BTBD10: variants seen among roughly 807,000 people sequenced by gnomAD.
BTBD10 encodes BTB domain containing 10, also known as BTB/POZ domain-containing protein 10.
Under a neutral mutation model 53.2 loss-of-function variants are expected in BTBD10, and 21 were observed. That is an observed-to-expected ratio of 0.39 (90% CI 0.28 to 0.57). The LOEUF is 0.57. Ranked by LOEUF, BTBD10 falls within the 20% of genes least tolerant of loss-of-function variation. BTBD10 has a pLI of 0.53. For missense variants in BTBD10, 360 were observed against 594.7 expected (o/e 0.61, Z 4.10); for synonymous variants, 149 against 192.7 (o/e 0.77, Z 1.88).
chr11:13,444,336 T>C (rs572019208), intron 2 of BTBD10, among the ~76,000 whole-genome samples: 97 of 152,276 alleles, frequency 6.4e-4, no homozygotes, highest in African/African-American at 2.1e-3. Context: ...ATAGAAGATA[T>C]TGCTTTATGA....
intron 8 of BTBD10, among the ~76,000 whole-genome samples, chr11:13,393,900 A>G (rs1193884980): frequency 6.6e-6 from 1 of 152,218 alleles, no homozygotes; most frequent in Non-Finnish European, 1.5e-5. Context: ...TTAACCTTTT[A>G]AGCTTTAGCT....
Position 13,446,418 on chromosome 11 carries a change from T to A in BTBD10, c.-57-1237A>T, listed in dbSNP as rs549384142. The stretch of plus-strand genomic sequence containing the variant: ...TATCAAAAATCAGTAGAAAATACAT[T>A]TTCATTTTAGAGAAACAATTTTACT... On this transcript the variant is annotated intron_variant, in intron 1 of 8. Transcript: ENST00000278174. Among the ~76,000 whole-genome samples, 6 of 152,290 alleles carry A rather than the reference T, an allele frequency of 3.9e-5. No homozygotes were observed. The East Asian group carries it at 1.2e-3, about 29-fold the overall frequency.
intron 2 of BTBD10, among the ~76,000 whole-genome samples, chr11:13,440,680 C>T (rs926213660): frequency 1.4e-4 from 22 of 152,096 alleles, no homozygotes; most frequent in African/African-American, 4.3e-4. Context: ...TCAGGAGAAA[C>T]GAGCATGCGT....
At chr11:13,431,899 T>G (rs1203951821) in intron 2 of BTBD10, among the ~76,000 whole-genome samples, 2 of 152,108 alleles carry the variant, frequency 1.3e-5, no homozygotes, top group Admixed American at 1.3e-4. Context: ...GGGAAAAAGT[T>G]TATAATACTA....
At chr11:13,389,719 G>A (rs1488655715) in intron 8 of BTBD10, among the ~76,000 whole-genome samples, 4 of 152,278 alleles carry the variant, frequency 2.6e-5, no homozygotes, top group South Asian at 4.1e-4. Context: ...CCACCATGCC[G>A]GCCTCTAGCT....
chr11:13,443,754 T>C (rs1950705658), intron 2 of BTBD10, among the ~76,000 whole-genome samples: 2 of 152,100 alleles, frequency 1.3e-5, no homozygotes, highest in African/African-American at 4.8e-5. Context: ...CGGCTAATTT[T>C]TGTATTTTTA....
At chr11:13,442,465 G>A (rs771304437) in intron 2 of BTBD10, among the ~76,000 whole-genome samples, 1 of 151,770 alleles carries the variant, frequency 6.6e-6, no homozygotes, top group Non-Finnish European at 1.5e-5. Flanking sequence ...TACTCATTTC[G>A]TTTTTTTTCA....
At chr11:13,409,064 C>A (rs1165670697) in intron 6 of BTBD10, among the ~76,000 whole-genome samples, 1 of 152,074 alleles carries the variant, frequency 6.6e-6, no homozygotes, top group Non-Finnish European at 1.5e-5. Flanking sequence ...AGAGTAAAAG[C>A]CAAAACATAA....
intron 8 of BTBD10, among the ~76,000 whole-genome samples, chr11:13,391,396 C>T (rs72870919): frequency 0.15 from 22,967 of 152,228 alleles, 1,996 homozygotes; most frequent in Admixed American, 0.24. Context: ...ACTTCTTATG[C>T]TCCATAGCAC....
rs1003681695 is a variant in BTBD10 at position 13,388,115 on chromosome 11, C to CTT, written c.*714_*715dup. ...CACTTCATTTTCCTATCCCATAACTCTTAAGAAAAAAAAAGCATTAGTAAA... is the reference window on the plus strand; with the variant it reads ...CACTTCATTTTCCTATCCCATAACTCTTTTAAGAAAAAAAAAGCATTAGTAAA... On this transcript the variant is annotated 3_prime_UTR_variant, in exon 9 of 9. Coordinates refer to ENST00000278174, the MANE Select transcript of BTBD10 (RefSeq NM_032320.7). The CTT allele has an allele frequency of 4.6e-5, 7 of 152,304 alleles. No individual in the cohort carries two copies. Among genetic ancestry groups the CTT allele is most frequent in the African/African-American group, 1.7e-4 (7 of 41,318 alleles). The allele number at this position is 152,304 out of a possible 1,614,324, so 9.4% of individuals were successfully genotyped here.
intron 8 of BTBD10, among the ~76,000 whole-genome samples, chr11:13,398,859 T>C (rs1405940427): frequency 6.6e-6 from 1 of 152,214 alleles, no homozygotes; most frequent in Non-Finnish European, 1.5e-5. Context: ...TTAAGAATGT[T>C]GAATATTGGC....
chr11:13,422,979 T>C (rs1325972330), intron 2 of BTBD10, among the ~76,000 whole-genome samples: 1 of 152,076 alleles, frequency 6.6e-6, no homozygotes, highest in Non-Finnish European at 1.5e-5. Flanking sequence ...CTTCCAAATA[T>C]AAAACTACTA....
At chr11:13,449,885 G>A (rs1591170239) in intron 1 of BTBD10, among the ~76,000 whole-genome samples, 1 of 152,180 alleles carries the variant, frequency 6.6e-6, no homozygotes, top group East Asian at 1.9e-4. Flanking sequence ...CCACCCTCAT[G>A]ACTCAATCAG....
intron 1 of BTBD10, among the ~76,000 whole-genome samples, chr11:13,449,458 A>G (rs988617): frequency 0.61 from 92,723 of 151,786 alleles, 29,047 homozygotes; most frequent in Middle Eastern, 0.76. Flanking sequence ...GTATATAAAA[A>G]TTGGTACTTT....
At chr11:13,400,073 C>G (rs1045308077) in intron 8 of BTBD10, among the ~76,000 whole-genome samples, 1 of 152,238 alleles carries the variant, frequency 6.6e-6, no homozygotes, top group African/African-American at 2.4e-5. Flanking sequence ...CTCTTCAAAG[C>G]TGTCAGACAG....
intron 1 of BTBD10, among the ~76,000 whole-genome samples, chr11:13,446,630 G>A (rs980844558): frequency 1.3e-5 from 2 of 152,026 alleles, no homozygotes; most frequent in African/African-American, 4.8e-5. Flanking sequence ...GCAAATTCCT[G>A]AGCAAATGCC....
intron 8 of BTBD10, among the ~76,000 whole-genome samples, chr11:13,400,114 T>C (rs1198464289): frequency 6.6e-6 from 1 of 152,228 alleles, no homozygotes; most frequent in Non-Finnish European, 1.5e-5. Flanking sequence ...GTTATTGCTG[T>C]CTTTTGTTTG....
At chr11:13,397,333 G>T (rs1267682570) in intron 8 of BTBD10, among the ~76,000 whole-genome samples, 1 of 152,204 alleles carries the variant, frequency 6.6e-6, no homozygotes, top group Non-Finnish European at 1.5e-5. Flanking sequence ...TTGCATAGAG[G>T]TGTTTATAGT....
At chr11:13,396,595 G>T (rs1449139429) in intron 8 of BTBD10, among the ~76,000 whole-genome samples, 1 of 152,222 alleles carries the variant, frequency 6.6e-6, no homozygotes, top group African/African-American at 2.4e-5. Flanking sequence ...GTTGTGGTGA[G>T]AGAGGGCATC....
Sources: gnomAD v4.1 joint callset for allele counts (sites outside exome capture counted in the v4.1 genomes callset) on GRCh38, gnomAD v4.1.1 for gene constraint, MANE v1.5 for transcripts, NCBI Gene and HGNC (gene_info 2026-07-23, HGNC 2026-07-21) for gene names.